Variants in WNK2 observed in about 807,000 individuals in gnomAD.
The protein encoded by WNK2 is WNK lysine deficient protein kinase 2.
Under a neutral mutation model 192.1 loss-of-function variants are expected in WNK2, and 67 were observed. That is an observed-to-expected ratio of 0.35 (90% CI 0.29 to 0.43). The LOEUF (loss-of-function observed/expected upper bound fraction) is 0.43. Ranked by LOEUF, WNK2 falls within the 20% of genes least tolerant of loss-of-function variation. The pLI is 1.00. For missense variants in WNK2, 2,698 were observed against 3,089.7 expected, an observed-to-expected ratio of 0.87 and a Z score of 3.01; for synonymous variants, 1,439 against 1,393.9, an observed-to-expected ratio of 1.03 and a Z score of -0.72.
chr9:93,231,686 C>T (rs1838840636), intron 4 of WNK2, among the ~76,000 whole-genome samples: 1 of 152,230 alleles, frequency 6.6e-6, no homozygotes. Flanking sequence ...AGGATAGGAG[C>T]AGGGCGCCAA....
chr9:93,210,912 G>A (rs929525559), intron 2 of WNK2, among the ~76,000 whole-genome samples: 2 of 152,142 alleles, frequency 1.3e-5, no homozygotes, highest in African/African-American at 4.8e-5. Flanking sequence ...TGGCTTCCAG[G>A]AGAACACGTC....
Position 93,266,082 on chromosome 9 carries a change from C to T in WNK2, c.3697-1664C>T, listed in dbSNP as rs118081018. Among the ~76,000 whole-genome samples the T allele has an allele frequency of 9.9e-3, 1,509 of 152,278 alleles. 28 individuals are homozygous for T. Among genetic ancestry groups the T allele is most frequent in the East Asian group, 0.048 (250 of 5,190 alleles). On this transcript the variant is annotated intron_variant, in intron 16 of 29. Coordinates refer to ENST00000427277, the MANE Select transcript of WNK2 (RefSeq NM_006648.4). ...TACAAATTTGGTCCATAAAAACAGC[C>T]CAGCAGCCCTCCTCCTCACAGCCCA...
chr9:93,253,108 C>T (rs376610799), intron 9 of WNK2, 26 bp downstream of exon 9: 4 of 1,375,786 alleles, frequency 2.9e-6, no homozygotes, highest in East Asian at 2.9e-5. Context: ...ACTCCCACCC[C>T]CTTCCCCATC....
rs760715959 is a variant in WNK2 at position 93,267,850 on chromosome 9, C to T, written c.3801C>T (p.Ala1267=). 1.4e-5 allele frequency: 22 copies of T among 1,611,574 alleles called. No individual in the cohort carries two copies. The highest frequency in any genetic ancestry group is 4.4e-5 in the South Asian group (4 of 90,618). The change falls in exon 17 of 30, where the codon GCC becomes GCT. Residue 1267 remains alanine (A), a synonymous_variant. Coordinates refer to ENST00000427277, the MANE Select transcript of WNK2 (RefSeq NM_006648.4). ...ACATGCTCAGCGAGGACACAGACGC[C>T]GACCGTGGCTCCGACCCAGGGACCA... The part of the protein sequence containing the change: ...AEDMLSEDTD[A]DRGSDPGTSP...
At chr9:93,317,436 A>G in intron 28 of WNK2, 84 bp from the exon 29 acceptor site, 1 of 1,368,460 alleles carries the variant, frequency 7.3e-7, no homozygotes. Context: ...GGATGGAGAA[A>G]CTGTGGCACC....
intron 26 of WNK2, 150 bp from the exon 27 acceptor site, chr9:93,306,627 C>T (rs909299189): frequency 1.1e-5 from 11 of 988,438 alleles, no homozygotes; most frequent in Middle Eastern, 2.5e-4. Context: ...TGCCCCGTTT[C>T]CCCCGGCCGG....
intron 20 of WNK2, 132 bp downstream of exon 20, chr9:93,289,752 C>A (rs7855770): frequency 2.0e-6 from 2 of 1,010,176 alleles, no homozygotes; most frequent in Non-Finnish European, 2.8e-6. Context: ...CTCTTGGTGA[C>A]CCACCCACGT....
chr9:93,247,529 G>A lies in WNK2; in HGVS notation c.1543-14G>A. 1 of 1,606,950 alleles carries A rather than the reference G, an allele frequency of 6.2e-7. No individual in the cohort carries two copies. Among genetic ancestry groups the A allele is most frequent in the Non-Finnish European group, 8.5e-7 (1 of 1,177,012 alleles). ...TGATCCCCAGCGATGCTGACAACAT[G>A]ACTGCCTTTACAGATTGAGTCTGGA... On this transcript the variant is annotated splice_polypyrimidine_tract_variant and intron_variant, in intron 7 of 29. Coordinates refer to ENST00000427277, the MANE Select transcript of WNK2 (RefSeq NM_006648.4). The surrounding 1 kb of genome is among the most constrained non-coding windows in gnomAD (Gnocchi z 5.2).
chr9:93,257,028 C>G lies in WNK2; in HGVS notation c.2271C>G (p.Pro757=), dbSNP rs35674470. ...QPVVPLQPVP[P]HLPPYLAPAS... is the part of the protein sequence containing the mutation. ...TGGTCCCCCTCCAGCCGGTTCCCCC[C>G]CACCTGCCACCGTACCTGGCTCCAG... The change falls in exon 11 of 30, where the codon CCC becomes CCG. Residue 757 remains proline, a synonymous_variant. Transcript: ENST00000427277. The surrounding 1 kb of genome is among the most constrained non-coding windows in gnomAD (Gnocchi z 4.7). The G allele has an allele frequency of 2.7e-5, 44 of 1,604,508 alleles. 1 individual carries two copies. The highest frequency in any genetic ancestry group is 3.3e-5 in the Non-Finnish European group (39 of 1,177,966).
chr9:93,293,268 G>A, intron 23 of WNK2, 95 bp downstream of exon 23: 1 of 1,268,254 alleles, frequency 7.9e-7, no homozygotes. Context: ...CTGAAGTCCT[G>A]GCCAAGCAGC....
intron 11 of WNK2, 67 bp from the exon 12 acceptor site, chr9:93,258,864 C>A: frequency 7.0e-7 from 1 of 1,422,714 alleles, no homozygotes; most frequent in Non-Finnish European, 9.7e-7. Context: ...GCTGTCCTTG[C>A]ATGCAAGTGC....
intron 2 of WNK2, among the ~76,000 whole-genome samples, chr9:93,200,501 C>T (rs1331244568): frequency 1.3e-5 from 2 of 152,246 alleles, no homozygotes; most frequent in African/African-American, 4.8e-5. Context: ...TTCAGCCTCT[C>T]GGCAATTCGA....
chr9:93,267,728 CA>C lies in WNK2; in HGVS notation c.3697-17del, dbSNP rs1564130488. On this transcript the variant is annotated splice_polypyrimidine_tract_variant and intron_variant, in intron 16 of 29. Transcript: ENST00000427277. Reference sequence around the variant, plus strand: ...TGGCCTTGCAGCTGGTCCTCACTGGCAGTATGTCCCTTTGCAGGTGGAGCAT... The same window carrying C: ...TGGCCTTGCAGCTGGTCCTCACTGGCGTATGTCCCTTTGCAGGTGGAGCAT... 1 of 1,558,216 alleles carries C rather than the reference CA, an allele frequency of 6.4e-7. No individual in the cohort carries two copies. The highest frequency in any genetic ancestry group is 1.9e-5 in the Admixed American group (1 of 53,874).
chr9:93,258,434 T>C (rs1433068532), intron 11 of WNK2, among the ~76,000 whole-genome samples: 1 of 152,252 alleles, frequency 6.6e-6, no homozygotes, highest in East Asian at 1.9e-4. Context: ...AATTTGTGCA[T>C]GTTGCAGGGA....
rs747701224 is a variant in WNK2 at position 93,289,555 on chromosome 9, G to T, written c.4801G>T (p.Asp1601Tyr). Residue 1601 changes from aspartate to tyrosine, a missense_variant, in exon 20 of 30, where the codon GAC becomes TAC. Physicochemically the swap from Asp to Tyr is radical, Grantham distance 160. Around this residue, in one of 7 missense-constraint regions of WNK2, gnomAD observed 1,098 missense variants for 1,101.0 expected, o/e 1.00. Transcript: ENST00000427277. ...DQPRSEVCGG[D>Y]LALPPVPKEA... ...GCCCCGCTCAGAGGTCTGCGGGGGG[G>T]ACCTGGCCCTGCCCCCAGTGCCTAA... 3.9e-6 allele frequency: 6 copies of T among 1,557,908 alleles called. No individual in the cohort carries two copies. In the African/African-American group the frequency reaches 5.4e-5, roughly 14 times the overall value.
At position 93,247,774 on chromosome 9, in the gene WNK2, C is replaced by T. The variant is rs757998744; in HGVS notation, c.1774C>T (p.Pro592Ser). ...GCCCGGGCCACCAGAGCCCGAGGAG[C>T]CGGAGGCCGACCAGCACCTCCTGCC... Reference protein sequence around the residue: ...GQPGPPEPEEPEADQHLLPPT... With the variant: ...GQPGPPEPEESEADQHLLPPT... The change falls in exon 8 of 30, where the codon CCG becomes TCG. Residue 592 changes from proline (P) to serine (S), a missense_variant. Physicochemically the swap from Pro to Ser is moderately conservative, Grantham distance 74. Coordinates refer to ENST00000427277, the MANE Select transcript of WNK2 (RefSeq NM_006648.4). The surrounding 1 kb of genome is among the most constrained non-coding windows in gnomAD (Gnocchi z 5.2). 7 of 1,549,702 alleles carry T rather than the reference C, an allele frequency of 4.5e-6. No homozygotes were observed. In the East Asian group the frequency reaches 9.7e-5, roughly 22 times the overall value.
chr9:93,235,779 G>A (rs1342919083), intron 5 of WNK2, among the ~76,000 whole-genome samples: 1 of 152,222 alleles, frequency 6.6e-6, no homozygotes, highest in Non-Finnish European at 1.5e-5. Flanking sequence ...TGACTGGGTG[G>A]GGCCGCGCTG....
intron 2 of WNK2, among the ~76,000 whole-genome samples, chr9:93,189,509 GGAAC>G (rs1485392295): frequency 6.6e-6 from 1 of 152,234 alleles, no homozygotes; most frequent in Non-Finnish European, 1.5e-5. Flanking sequence ...CAGGGCTCAA[GGAAC>G]GATGTGTCCT....
chr9:93,241,139 A>C (rs1030481681), intron 7 of WNK2, among the ~76,000 whole-genome samples: 6 of 152,260 alleles, frequency 3.9e-5, no homozygotes, highest in African/African-American at 1.4e-4. Context: ...TGAGAACCCT[A>C]GTGCAGGGCC....
Sources: gnomAD v4.1 joint callset for allele counts (sites outside exome capture counted in the v4.1 genomes callset) on GRCh38, gnomAD v4.1.1 for gene constraint, gnomAD v4.1.1 regional missense constraint, Gnocchi (gnomAD v3.1) non-coding constraint, MANE v1.5 for transcripts, NCBI Gene and HGNC (gene_info 2026-07-23, HGNC 2026-07-21) for gene names.